Variants in CAMTA1 observed in about 807,000 individuals in gnomAD.
The protein encoded by CAMTA1 is calmodulin binding transcription activator 1.
A neutral mutation model predicts 170.9 loss-of-function variants in CAMTA1; 27 were observed. The ratio of observed to expected loss-of-function variants is 0.16; its 90% CI spans 0.12 to 0.22. CAMTA1 has a LOEUF of 0.22. Ranked by LOEUF, CAMTA1 falls within the 10% of genes least tolerant of loss-of-function variation. The probability of loss-of-function intolerance (pLI) is 1.00; values close to 1 mark genes in which losing one functional copy is unlikely to be tolerated. For missense variants in CAMTA1, 1,619 were observed against 2,217.2 expected (o/e 0.73, Z 5.42); for synonymous variants, 833 against 891.5 (o/e 0.93, Z 1.17).
At chr1:7,391,528 G>A (rs527892553) in intron 5 of CAMTA1, among the ~76,000 whole-genome samples, 6 of 152,236 alleles carry the variant, frequency 3.9e-5, no homozygotes, top group South Asian at 2.1e-4. Context: ...TAAAAATTCC[G>A]ACTTTCTGTG....
intron 3 of CAMTA1, among the ~76,000 whole-genome samples, chr1:6,863,689 G>A (rs1412821040): frequency 6.6e-6 from 1 of 152,208 alleles, no homozygotes; most frequent in African/African-American, 2.4e-5. Context: ...AGAATATTAA[G>A]GAGAGTTCCT....
intron 4 of CAMTA1, among the ~76,000 whole-genome samples, chr1:7,202,194 T>A (rs1656833037): frequency 6.6e-6 from 1 of 152,206 alleles, no homozygotes; most frequent in African/African-American, 2.4e-5. Context: ...AGTCAATTGA[T>A]GACAGCTGTA....
intron 3 of CAMTA1, among the ~76,000 whole-genome samples, chr1:6,997,864 G>T (rs915807383): frequency 4.0e-5 from 6 of 151,782 alleles, no homozygotes; most frequent in Admixed American, 2.6e-4. Context: ...GTTTCACCAT[G>T]GCCAGGCTGG....
Position 6,887,643 on chromosome 1 carries a change from A to AT in CAMTA1, c.234+62436dup. ...GACGGTTTTGACCCATTTTACACCT[A>AT]TTTATTTCAGGCTCTCACCACACAC... On this transcript the variant is annotated intron_variant, in intron 3 of 22. Transcript: ENST00000303635. This position sits in a 1 kb window ranked among gnomAD's most constrained non-coding sequence, Gnocchi z 4.1. 6.5e-7 allele frequency: 1 copy of AT among 1,534,962 alleles called. No individual in the cohort carries two copies.
At chr1:7,655,248 A>C (rs1190785995) in intron 7 of CAMTA1, among the ~76,000 whole-genome samples, 2 of 146,472 alleles carry the variant, frequency 1.4e-5, no homozygotes, top group East Asian at 2.1e-4. Context: ...ATACACACAC[A>C]CCTATACACA....
chr1:7,227,201 C>G (rs1048930442), intron 4 of CAMTA1, among the ~76,000 whole-genome samples: 7 of 152,308 alleles, frequency 4.6e-5, no homozygotes, highest in African/African-American at 1.4e-4. Flanking sequence ...GAATGTCACT[C>G]TGTCCGTCTC....
chr1:7,706,808 G>T (rs1186677119), intron 11 of CAMTA1, among the ~76,000 whole-genome samples: 3 of 151,340 alleles, frequency 2.0e-5, no homozygotes, highest in Non-Finnish European at 4.4e-5. Context: ...TCATGTACTC[G>T]TTAATAACAG....
intron 3 of CAMTA1, among the ~76,000 whole-genome samples, chr1:6,995,385 C>CCT (rs1436163174): frequency 7.2e-6 from 1 of 139,548 alleles, no homozygotes; most frequent in African/African-American, 2.7e-5. Context: ...CTCACTGCAA[C>CCT]CTCCGCCTCC....
At position 7,667,013 on chromosome 1, in the gene CAMTA1, C is replaced by T. The variant is rs145461631; in HGVS notation, c.2652+1814C>T. On this transcript the variant is annotated intron_variant, in intron 9 of 22. Coordinates refer to ENST00000303635, the MANE Select transcript of CAMTA1 (RefSeq NM_015215.4). ...AAGCGATTCTCCTGCCTCAGCCTGC[C>T]GAGTAGCTGGGGTTACAGACACACC... Among the ~76,000 whole-genome samples the T allele has an allele frequency of 9.3e-3, 1,423 of 152,224 alleles. 11 individuals carry two copies. The highest frequency in any genetic ancestry group is 0.016 in the Non-Finnish European group (1,081 of 68,024).
intron 5 of CAMTA1, among the ~76,000 whole-genome samples, chr1:7,283,185 C>T (rs974022189): frequency 6.6e-6 from 1 of 152,208 alleles, no homozygotes; most frequent in African/African-American, 2.4e-5. Flanking sequence ...CCTTCTCCAA[C>T]CTCCACCAAG....
At chr1:7,703,901 G>C (rs1038370385) in intron 11 of CAMTA1, among the ~76,000 whole-genome samples, 36 of 152,112 alleles carry the variant, frequency 2.4e-4, no homozygotes, top group African/African-American at 8.4e-4. Flanking sequence ...GTCCCCAAGT[G>C]CGCAGGGCTG....
intron 6 of CAMTA1, among the ~76,000 whole-genome samples, chr1:7,629,240 G>A (rs2095652827): frequency 6.6e-6 from 1 of 152,210 alleles, no homozygotes; most frequent in Admixed American, 6.5e-5. Flanking sequence ...GAGAAGGATG[G>A]TTGGACGCTG....
At chr1:7,324,174 T>C (rs1678915599) in intron 5 of CAMTA1, among the ~76,000 whole-genome samples, 1 of 152,234 alleles carries the variant, frequency 6.6e-6, no homozygotes, top group Admixed American at 6.5e-5. Context: ...TAAGGCTATA[T>C]TGTTGGGTGT....
chr1:7,424,999 G>T (rs2149332975), intron 5 of CAMTA1, among the ~76,000 whole-genome samples: 1 of 152,218 alleles, frequency 6.6e-6, no homozygotes, highest in Admixed American at 6.5e-5. Flanking sequence ...ACTTCCAGGG[G>T]GGCTCGGGGA....
intron 3 of CAMTA1, among the ~76,000 whole-genome samples, chr1:7,087,519 G>T (rs536645159): frequency 1.3e-5 from 2 of 152,264 alleles, no homozygotes; most frequent in South Asian, 4.1e-4. Flanking sequence ...GCTGGGAAAA[G>T]TTCAGTTCCT....
chr1:7,631,266 A>T (rs1218288240), intron 6 of CAMTA1, among the ~76,000 whole-genome samples: 1 of 152,196 alleles, frequency 6.6e-6, no homozygotes, highest in African/African-American at 2.4e-5. Flanking sequence ...GCTCTGGCAT[A>T]GACATGAACT....
intron 6 of CAMTA1, among the ~76,000 whole-genome samples, chr1:7,488,084 C>G (rs945798733): frequency 3.3e-5 from 5 of 152,194 alleles, no homozygotes; most frequent in African/African-American, 9.7e-5. Context: ...GCTAGAGTCT[C>G]TCTGGGTCTC....
In CAMTA1 at chr1:7,463,790, C is replaced by A. The variant is rs1575463467; in HGVS notation, c.439-4040C>A. Among the ~76,000 whole-genome samples the A allele has an allele frequency of 6.6e-6, 1 of 152,164 alleles. No homozygotes were observed. Among genetic ancestry groups the A allele is most frequent in the Non-Finnish European group, 1.5e-5 (1 of 68,028 alleles). ...ATAAGTGATGTGCTTCCTTCTTGGGCCACTAAGCCATCACTGCCCAGCCTT... is the reference window on the plus strand; with the variant it reads ...ATAAGTGATGTGCTTCCTTCTTGGGACACTAAGCCATCACTGCCCAGCCTT... On this transcript the variant is annotated intron_variant, in intron 5 of 22. Coordinates refer to ENST00000303635, the MANE Select transcript of CAMTA1 (RefSeq NM_015215.4). The surrounding 1 kb of genome is among the most constrained non-coding windows in gnomAD (Gnocchi z 4.7).
At chr1:7,468,857 G>T (rs980844301) in intron 6 of CAMTA1, among the ~76,000 whole-genome samples, 9 of 152,068 alleles carry the variant, frequency 5.9e-5, no homozygotes, top group Non-Finnish European at 1.3e-4. Context: ...TGGCAGCTGG[G>T]GAAGCAAGTC....
Sources: gnomAD v4.1 joint callset for allele counts (sites outside exome capture counted in the v4.1 genomes callset) on GRCh38, gnomAD v4.1.1 for gene constraint, Gnocchi (gnomAD v3.1) non-coding constraint, MANE v1.5 for transcripts, NCBI Gene and HGNC (gene_info 2026-07-23, HGNC 2026-07-21) for gene names.